ERC1: variants seen among roughly 807,000 people sequenced by gnomAD.
ERC1 encodes RAB6 interacting protein 2.
ERC1 carries 56 observed loss-of-function variants against 132.0 expected under a neutral mutation model. The ratio of observed to expected loss-of-function variants is 0.42; its 90% CI spans 0.34 to 0.53. The LOEUF (loss-of-function observed/expected upper bound fraction) is 0.53. Ranked by LOEUF, ERC1 falls within the 20% of genes least tolerant of loss-of-function variation. The probability of loss-of-function intolerance (pLI) is 0.03; values close to 1 mark genes in which losing one functional copy is unlikely to be tolerated. For synonymous variants in ERC1, 478 were observed against 476.1 expected (o/e 1.00, Z -0.05); for missense variants, 1,202 against 1,349.9 (o/e 0.89, Z 1.72).
At chr12:1,346,907 A>G (rs2084520711) in intron 15 of ERC1, among the ~76,000 whole-genome samples, 2 of 145,356 alleles carry the variant, frequency 1.4e-5, no homozygotes. Flanking sequence ...GCGCCACTGC[A>G]GTCCGCAGTC....
chr12:1,457,201 T>A (rs540346403), intron 18 of ERC1, among the ~76,000 whole-genome samples: 2 of 152,168 alleles, frequency 1.3e-5, no homozygotes, highest in Non-Finnish European at 2.9e-5. Flanking sequence ...ACCACCTAGG[T>A]CTGTGTAAGT....
chr12:1,125,495 T>C (rs1260152390), intron 7 of ERC1, among the ~76,000 whole-genome samples: 1 of 152,086 alleles, frequency 6.6e-6, no homozygotes, highest in South Asian at 2.1e-4. Context: ...AGTTAATGTA[T>C]ATATTCTTCT....
intron 8 of ERC1, among the ~76,000 whole-genome samples, chr12:1,172,380 A>T (rs901325528): frequency 1.3e-5 from 2 of 152,088 alleles, no homozygotes; most frequent in African/African-American, 4.8e-5. Flanking sequence ...AGGCTGGAGG[A>T]TTACTCGTGC....
rs573822805 is a variant in ERC1 at position 1,421,436 on chromosome 12, C to T, written c.3024+13189C>T. 3.9e-5 allele frequency among the ~76,000 whole-genome samples: 6 copies of T among 152,230 alleles called. No individual in the cohort carries two copies. The South Asian group carries it at 1.2e-3, about 32-fold the overall frequency. ...CAGGCTGAGGGCTAAGGAACGGGTA[C>T]TGCTGATTGGTTGGGGTTGCGATCA... On this transcript the variant is annotated intron_variant, in intron 17 of 18. Coordinates refer to ENST00000360905, the MANE Select transcript of ERC1 (RefSeq NM_178040.4).
intron 17 of ERC1, among the ~76,000 whole-genome samples, chr12:1,440,600 TTGTGTGTGTG>T (rs56749397): frequency 0.05 from 2,527 of 51,030 alleles, 112 homozygotes; most frequent in Middle Eastern, 0.068. Context: ...CCTCAGCCTT[TTGTGTGTGTG>T]TGTGTGTGTG....
intron 18 of ERC1, among the ~76,000 whole-genome samples, chr12:1,462,414 G>A (rs540496443): frequency 2.0e-5 from 3 of 152,166 alleles, no homozygotes; most frequent in Non-Finnish European, 1.5e-5. Context: ...AAGTCCAAAA[G>A]TGGAAACAAC....
At chr12:1,215,609 T>C (rs1594284638) in intron 12 of ERC1, among the ~76,000 whole-genome samples, 1 of 152,290 alleles carries the variant, frequency 6.6e-6, no homozygotes, top group Admixed American at 6.5e-5. Context: ...ACCCTTTAGC[T>C]CATGGAGATG....
chr12:1,406,316 T>G (rs1288741148), intron 16 of ERC1, among the ~76,000 whole-genome samples: 2 of 123,632 alleles, frequency 1.6e-5, no homozygotes, highest in Non-Finnish European at 3.2e-5. Flanking sequence ...CTCTGTAAAT[T>G]TTTTTTATGA....
chr12:1,302,542 A>G (rs888792672), intron 15 of ERC1, among the ~76,000 whole-genome samples: 4 of 152,252 alleles, frequency 2.6e-5, no homozygotes, highest in Non-Finnish European at 5.9e-5. Flanking sequence ...GTATGTATTC[A>G]TAAACATGGT....
intron 15 of ERC1, among the ~76,000 whole-genome samples, chr12:1,364,708 A>T (rs2086490142): frequency 6.6e-6 from 1 of 152,204 alleles, no homozygotes; most frequent in South Asian, 2.1e-4. Flanking sequence ...CTCAGCATTT[A>T]CTGCCCATAC....
chr12:1,018,595 A>T (rs1052650089), intron 1 of ERC1, among the ~76,000 whole-genome samples: 1 of 152,214 alleles, frequency 6.6e-6, no homozygotes, highest in Non-Finnish European at 1.5e-5. Flanking sequence ...TGCTTTCATT[A>T]TATTTGTTTT....
At chr12:1,367,929 A>G (rs1281086100) in intron 15 of ERC1, among the ~76,000 whole-genome samples, 2 of 150,082 alleles carry the variant, frequency 1.3e-5, no homozygotes, top group African/African-American at 4.9e-5. Context: ...AATACTTTGA[A>G]AGGTTTCGTG....
chr12:1,460,958 CTTTTTT>C (rs35505633), intron 18 of ERC1, among the ~76,000 whole-genome samples: 1 of 64,912 alleles, frequency 1.5e-5, no homozygotes, highest in Non-Finnish European at 2.6e-5. Flanking sequence ...TGAGGAGGCC[CTTTTTT>C]TTTTTTTTTT....
At chr12:1,398,604 A>G (rs1448139162) in intron 16 of ERC1, among the ~76,000 whole-genome samples, 3 of 152,222 alleles carry the variant, frequency 2.0e-5, no homozygotes, top group Non-Finnish European at 2.9e-5. Context: ...TAAATAATAA[A>G]CACCCCACAG....
chr12:1,244,194 C>T (rs78474273), intron 13 of ERC1, among the ~76,000 whole-genome samples: 7,451 of 152,170 alleles, frequency 0.049, 260 homozygotes, highest in African/African-American at 0.097. Flanking sequence ...AGACTTGGTA[C>T]TCTAGAAGTA....
At chr12:1,150,132 A>C (rs1282197316) in intron 8 of ERC1, among the ~76,000 whole-genome samples, 2 of 152,206 alleles carry the variant, frequency 1.3e-5, no homozygotes, top group Non-Finnish European at 2.9e-5. Flanking sequence ...GTCTTTAAAC[A>C]GAGTCTTTGA....
intron 4 of ERC1, among the ~76,000 whole-genome samples, chr12:1,108,891 C>T (rs1945543978): frequency 6.6e-6 from 1 of 152,100 alleles, no homozygotes; most frequent in Non-Finnish European, 1.5e-5. Flanking sequence ...GTAGTTTTCT[C>T]GATATAAAGC....
At chr12:1,317,180 AAAAG>A (rs1262878148) in intron 15 of ERC1, among the ~76,000 whole-genome samples, 6 of 151,996 alleles carry the variant, frequency 3.9e-5, no homozygotes, top group South Asian at 2.1e-4. Flanking sequence ...AAAAAAAAAA[AAAAG>A]AAAATGTGTA....
At chr12:1,060,238 C>T (rs1377692339) in intron 2 of ERC1, among the ~76,000 whole-genome samples, 1 of 148,824 alleles carries the variant, frequency 6.7e-6, no homozygotes, top group Non-Finnish European at 1.5e-5. Context: ...AGGTTAGTTA[C>T]ATATGTATAC....
Sources: gnomAD v4.1 joint callset for allele counts (sites outside exome capture counted in the v4.1 genomes callset) on GRCh38, gnomAD v4.1.1 for gene constraint, MANE v1.5 for transcripts, NCBI Gene and HGNC (gene_info 2026-07-23, HGNC 2026-07-21) for gene names.